Variants in B3GALT1 observed in about 807,000 individuals in gnomAD.
B3GALT1 encodes the protein beta-1,3-galactosyltransferase 1.
In B3GALT1, 10 loss-of-function variants were observed where a neutral mutation model predicts 23.2. The observed-to-expected ratio is 0.43, with a 90% CI of 0.27 to 0.73. B3GALT1 has a LOEUF of 0.73. B3GALT1 is among the 30% of genes least tolerant of loss of function. The probability of loss-of-function intolerance (pLI) is 0.21; values close to 1 mark genes in which losing one functional copy is unlikely to be tolerated. For synonymous variants in B3GALT1, 156 were observed against 141.5 expected (o/e 1.10, Z -0.73); for missense variants, 299 against 405.4 (o/e 0.74, Z 2.25).
chr2:167,627,553 A>G (rs1404095272), intron 2 of B3GALT1, among the ~76,000 whole-genome samples: 6 of 151,644 alleles, frequency 4.0e-5, no homozygotes, highest in Non-Finnish European at 1.5e-5. Flanking sequence ...ATGTACCACA[A>G]TTTGTTTTTC....
chr2:167,335,451 T>C (rs984673995), intron 1 of B3GALT1, among the ~76,000 whole-genome samples: 2 of 152,200 alleles, frequency 1.3e-5, no homozygotes, highest in African/African-American at 4.8e-5. Flanking sequence ...AAATAATGGC[T>C]ACTCCATAGG....
intron 1 of B3GALT1, among the ~76,000 whole-genome samples, chr2:167,434,719 C>CA (rs1698753773): frequency 7.0e-6 from 1 of 142,012 alleles, no homozygotes; most frequent in Non-Finnish European, 1.5e-5. Flanking sequence ...GACCCCCCCC[C>CA]CTTATTTTTT....
intron 1 of B3GALT1, among the ~76,000 whole-genome samples, chr2:167,376,143 C>T (rs939076391): frequency 9.9e-5 from 15 of 152,000 alleles, no homozygotes; most frequent in South Asian, 4.1e-4. Context: ...TTATATATGT[C>T]GAACCATTCT....
chr2:167,604,529 A>G (rs1200974992), intron 2 of B3GALT1, among the ~76,000 whole-genome samples: 1 of 152,204 alleles, frequency 6.6e-6, no homozygotes, highest in Non-Finnish European at 1.5e-5. Context: ...GTACATTTGT[A>G]ACCTGCAATA....
intron 3 of B3GALT1, among the ~76,000 whole-genome samples, chr2:167,807,082 A>G (rs1688771653): frequency 6.6e-6 from 1 of 151,108 alleles, no homozygotes; most frequent in Non-Finnish European, 1.5e-5. Flanking sequence ...TTTCTTCTAG[A>G]TTTTCTAGTT....
At chr2:167,696,874 A>T (rs2105506274) in intron 3 of B3GALT1, among the ~76,000 whole-genome samples, 1 of 152,282 alleles carries the variant, frequency 6.6e-6, no homozygotes, top group Non-Finnish European at 1.5e-5. Flanking sequence ...GAGTTTGGGG[A>T]CTTAGTATCC....
chr2:167,673,930 A>T (rs889597775), intron 3 of B3GALT1, among the ~76,000 whole-genome samples: 17 of 152,134 alleles, frequency 1.1e-4, no homozygotes, highest in Non-Finnish European at 2.2e-4. Context: ...AATTATTGTA[A>T]CATTAGCTAT....
chr2:167,350,305 G>T (rs940072936), intron 1 of B3GALT1, among the ~76,000 whole-genome samples: 118 of 152,258 alleles, frequency 7.7e-4, no homozygotes, highest in African/African-American at 2.8e-3. Context: ...TACCCTGTGT[G>T]TTACTGAGAG....
chr2:167,303,682 C>CACAGAGAGAG (rs535369991), intron 1 of B3GALT1, among the ~76,000 whole-genome samples: 11 of 148,834 alleles, frequency 7.4e-5, no homozygotes, highest in African/African-American at 1.7e-4. Context: ...CACACACACA[C>CACAGAGAGAG]AGAGAGAGAC....
At chr2:167,504,768 A>G (rs1051411164) in intron 2 of B3GALT1, among the ~76,000 whole-genome samples, 19 of 152,196 alleles carry the variant, frequency 1.2e-4, no homozygotes, top group Admixed American at 7.9e-4. Flanking sequence ...TTGTGTTACA[A>G]TTGCCTATAG....
intron 2 of B3GALT1, among the ~76,000 whole-genome samples, chr2:167,573,525 G>T (rs1325511680): frequency 2.0e-5 from 3 of 151,584 alleles, no homozygotes; most frequent in Admixed American, 6.6e-5. Context: ...TGCTAAACTA[G>T]CACTTTCAAT....
chr2:167,732,474 G>A (rs547674978), intron 3 of B3GALT1, among the ~76,000 whole-genome samples: 1 of 152,246 alleles, frequency 6.6e-6, no homozygotes, highest in South Asian at 2.1e-4. Context: ...CACAGCACCG[G>A]AGCCAACATG....
At chr2:167,762,330 T>C (rs1205923857) in intron 3 of B3GALT1, among the ~76,000 whole-genome samples, 2 of 152,190 alleles carry the variant, frequency 1.3e-5, no homozygotes, top group Non-Finnish European at 2.9e-5. Context: ...GAATGAGAAC[T>C]ATTTCTTCTT....
At chr2:167,306,289 T>C (rs1193968414) in intron 1 of B3GALT1, among the ~76,000 whole-genome samples, 1 of 151,986 alleles carries the variant, frequency 6.6e-6, no homozygotes, top group African/African-American at 2.4e-5. Flanking sequence ...TAATAAAATA[T>C]AAAAATGCAC....
chr2:167,856,592 C>T (rs1207012851), intron 4 of B3GALT1, among the ~76,000 whole-genome samples: 1 of 152,062 alleles, frequency 6.6e-6, no homozygotes, highest in Non-Finnish European at 1.5e-5. Flanking sequence ...AGAAGGAATC[C>T]AAAGCGGGAG....
intron 1 of B3GALT1, among the ~76,000 whole-genome samples, chr2:167,359,313 A>AC (rs1697464098): frequency 6.6e-6 from 1 of 152,174 alleles, no homozygotes; most frequent in Non-Finnish European, 1.5e-5. Flanking sequence ...TGAATCTAAT[A>AC]TGTGTTTAAC....
rs76151878 is a variant in B3GALT1 at position 167,493,178 on chromosome 2, G to T, written c.-410+2901G>T. ...GGCCATGCAGATATAGTCAAGAAAA[G>T]AGATTCTTCATGAGCCTTTCACATT... is the stretch of plus-strand genomic sequence containing the variant. On this transcript the variant is annotated intron_variant, in intron 2 of 4. Transcript: ENST00000392690. 2.8e-3 allele frequency among the ~76,000 whole-genome samples: 419 copies of T among 152,240 alleles called. 15 individuals are homozygous for T. The East Asian group carries it at 0.062, about 22-fold the overall frequency.
intron 1 of B3GALT1, among the ~76,000 whole-genome samples, chr2:167,373,622 TTTAGGGAAACAAAA>T (rs1177038058): frequency 2.6e-5 from 4 of 152,082 alleles, no homozygotes; most frequent in Non-Finnish European, 4.4e-5. Context: ...ATGATTATGG[TTTAGGGAAACAAAA>T]TGAAGATATT....
At chr2:167,432,396 G>A (rs1016965814) in intron 1 of B3GALT1, among the ~76,000 whole-genome samples, 2 of 152,162 alleles carry the variant, frequency 1.3e-5, no homozygotes, top group South Asian at 2.1e-4. Context: ...AGTATTCCAG[G>A]TCTCACCAAA....
Sources: allele counts gnomAD v4.1 joint callset (sites outside exome capture counted in the v4.1 genomes callset), GRCh38; gene constraint gnomAD v4.1.1; transcripts MANE v1.5; gene names NCBI Gene and HGNC (gene_info 2026-07-23, HGNC 2026-07-21).